ENTHD1: variants seen among roughly 807,000 people sequenced by gnomAD.
ENTHD1 encodes the protein ENTH domain containing 1, also known as ENTH domain-containing protein 1.
In ENTHD1, 23 loss-of-function variants were observed where a neutral mutation model predicts 39.1. The observed-to-expected ratio is 0.59, with a 90% CI of 0.42 to 0.83. The LOEUF (loss-of-function observed/expected upper bound fraction) is 0.83. Ranked by LOEUF, ENTHD1 falls within the 40% of genes least tolerant of loss-of-function variation. The probability of loss-of-function intolerance (pLI) is 0.00; values close to 1 mark genes in which losing one functional copy is unlikely to be tolerated. For synonymous variants in ENTHD1, 230 were observed against 258.2 expected (o/e 0.89, Z 1.05); for missense variants, 624 against 705.4 (o/e 0.88, Z 1.31).
intron 5 of ENTHD1, among the ~76,000 whole-genome samples, chr22:39,768,219 A>G (rs1355165756): frequency 6.6e-6 from 1 of 152,164 alleles, no homozygotes; most frequent in Non-Finnish European, 1.5e-5. Flanking sequence ...TATAGTTTAT[A>G]TTTGAAAATC....
chr22:39,801,197 G>A (rs1482883442), intron 5 of ENTHD1, among the ~76,000 whole-genome samples: 2 of 152,218 alleles, frequency 1.3e-5, no homozygotes, highest in Non-Finnish European at 2.9e-5. Flanking sequence ...AGTTAAATGA[G>A]TCAAATTCTT....
At chr22:39,842,770 A>G (rs1428639213) in intron 3 of ENTHD1, among the ~76,000 whole-genome samples, 1 of 148,572 alleles carries the variant, frequency 6.7e-6, no homozygotes, top group African/African-American at 2.6e-5. Context: ...CAAGAAAAAA[A>G]CAAACAACCC....
intron 5 of ENTHD1, among the ~76,000 whole-genome samples, chr22:39,767,556 A>C (rs532472004): frequency 6.6e-6 from 1 of 152,220 alleles, no homozygotes; most frequent in Admixed American, 6.5e-5. Context: ...GTGACTTTGC[A>C]TATCACCACA....
intron 5 of ENTHD1, among the ~76,000 whole-genome samples, chr22:39,788,052 A>G (rs945514163): frequency 6.6e-6 from 1 of 152,192 alleles, no homozygotes; most frequent in Non-Finnish European, 1.5e-5. Context: ...ATGTACAAGG[A>G]GATTAATGTT....
chr22:39,843,811 C>T (rs941105935), intron 3 of ENTHD1, among the ~76,000 whole-genome samples: 11 of 152,080 alleles, frequency 7.2e-5, no homozygotes, highest in African/African-American at 1.9e-4. Flanking sequence ...TGACCTTGAA[C>T]GAAGAGGCTG....
intron 2 of ENTHD1, among the ~76,000 whole-genome samples, chr22:39,878,803 A>G (rs2066311378): frequency 6.6e-6 from 1 of 152,108 alleles, no homozygotes; most frequent in Non-Finnish European, 1.5e-5. Context: ...TTATTTATTA[A>G]TAAAATAATA....
At chr22:39,890,016 G>A (rs137952) in intron 1 of ENTHD1, among the ~76,000 whole-genome samples, 96,316 of 151,414 alleles carry the variant, frequency 0.64, 32,931 homozygotes, top group African/African-American at 0.9. Context: ...AAGAATCACT[G>A]GAACCTGGGA....
chr22:39,873,351 T>C (rs2066259732), intron 2 of ENTHD1, among the ~76,000 whole-genome samples: 1 of 152,190 alleles, frequency 6.6e-6, no homozygotes, highest in Non-Finnish European at 1.5e-5. Flanking sequence ...TTTGTGTAAA[T>C]AATTTGATGA....
intron 5 of ENTHD1, among the ~76,000 whole-genome samples, chr22:39,800,408 T>C (rs904649354): frequency 7.2e-5 from 11 of 152,248 alleles, no homozygotes; most frequent in African/African-American, 2.2e-4. Context: ...TATTCTCTTA[T>C]TCTTTTGGCA....
At chr22:39,840,976 G>A (rs952397162) in intron 3 of ENTHD1, among the ~76,000 whole-genome samples, 6 of 152,064 alleles carry the variant, frequency 3.9e-5, no homozygotes, top group South Asian at 4.1e-4. Flanking sequence ...TGCTGTCCTC[G>A]TGATCCACCC....
intron 5 of ENTHD1, among the ~76,000 whole-genome samples, chr22:39,805,548 C>A (rs1172951491): frequency 1.3e-5 from 2 of 152,100 alleles, no homozygotes; most frequent in African/African-American, 4.8e-5. Context: ...CACAGCTGCA[C>A]AATTAAAAAC....
chr22:39,763,198 C>T (rs1035504023), intron 6 of ENTHD1, among the ~76,000 whole-genome samples: 5 of 152,136 alleles, frequency 3.3e-5, no homozygotes, highest in African/African-American at 1.2e-4. Context: ...TTTCCCATGG[C>T]TCCTCCCATT....
intron 4 of ENTHD1, among the ~76,000 whole-genome samples, chr22:39,823,217 C>A (rs1490496197): frequency 6.6e-6 from 1 of 152,002 alleles, no homozygotes; most frequent in African/African-American, 2.4e-5. Context: ...CTTTTCATTG[C>A]GAGTAGTACC....
intron 4 of ENTHD1, among the ~76,000 whole-genome samples, chr22:39,825,565 CTG>C (rs1302116705): frequency 1.3e-5 from 2 of 152,134 alleles, no homozygotes; most frequent in African/African-American, 4.8e-5. Flanking sequence ...GGGTCTCACT[CTG>C]TCACCCAGGC....
At chr22:39,777,828 A>T (rs2065377608) in intron 5 of ENTHD1, among the ~76,000 whole-genome samples, 1 of 152,246 alleles carries the variant, frequency 6.6e-6, no homozygotes, top group Non-Finnish European at 1.5e-5. Flanking sequence ...AGTTATAAAA[A>T]TGAAAGCTGA....
intron 6 of ENTHD1, among the ~76,000 whole-genome samples, chr22:39,760,038 G>A (rs1264358767): frequency 6.6e-6 from 1 of 151,542 alleles, no homozygotes; most frequent in East Asian, 1.9e-4. Context: ...TGCAGTATGT[G>A]TTCTTTCTTG....
chr22:39,754,961 C>T (rs1434575709), intron 6 of ENTHD1, among the ~76,000 whole-genome samples: 1 of 152,178 alleles, frequency 6.6e-6, no homozygotes, highest in African/African-American at 2.4e-5. Flanking sequence ...CTTAATTTTC[C>T]AGTGTTTTCT....
At chr22:39,890,431 T>G (rs949102958) in intron 1 of ENTHD1, among the ~76,000 whole-genome samples, 2 of 152,144 alleles carry the variant, frequency 1.3e-5, no homozygotes, top group Non-Finnish European at 2.9e-5. Flanking sequence ...ACTATGACAT[T>G]GGCTTAGAGC....
At chr22:39,746,079 T>C (rs889605878) in intron 6 of ENTHD1, among the ~76,000 whole-genome samples, 6 of 152,232 alleles carry the variant, frequency 3.9e-5, no homozygotes, top group African/African-American at 1.4e-4. Context: ...TTATTCTAAA[T>C]GATTTAATCA....
Sources: allele counts gnomAD v4.1 joint callset (sites outside exome capture counted in the v4.1 genomes callset), GRCh38; gene constraint gnomAD v4.1.1; transcripts MANE v1.5; gene names NCBI Gene and HGNC (gene_info 2026-07-23, HGNC 2026-07-21).